The following TBC1D10C variants were observed in gnomAD, a reference collection of about 807,000 sequenced individuals.
TBC1D10C encodes the protein TBC1 domain family member 10C.
TBC1D10C carries 49 observed loss-of-function variants against 51.0 expected under a neutral mutation model. The ratio of observed to expected loss-of-function variants is 0.96; its 90% confidence interval spans 0.76 to 1.22. TBC1D10C has a LOEUF of 1.22. TBC1D10C is among the 50% of genes most tolerant of loss of function. The probability of loss-of-function intolerance (pLI) is 0.00; values close to 1 mark genes in which losing one functional copy is unlikely to be tolerated. For missense variants in TBC1D10C, 541 were observed against 617.5 expected, an observed-to-expected ratio of 0.88 and a Z score of 1.31; for synonymous variants, 281 against 266.7, an observed-to-expected ratio of 1.05 and a Z score of -0.52.
At chr11:67,408,815 C>T (rs377178045) in intron 7 of TBC1D10C, 164 bp from the exon 8 acceptor site, 18 of 865,072 alleles carry the variant, frequency 2.1e-5, no homozygotes, top group Admixed American at 1.5e-4. Flanking sequence ...GCCAGTACAG[C>T]GGCCTGTGTT....
In TBC1D10C at chr11:67,407,032, A is replaced by G. The variant is rs1863202706; in HGVS notation, c.838+16A>G. Reference sequence around the variant, plus strand: ...CTCAGTGAGGGTGAGTGGGGCAGCCAGTGGCTGGGGCAGGAGCCTTGGGGT... The same window carrying G: ...CTCAGTGAGGGTGAGTGGGGCAGCCGGTGGCTGGGGCAGGAGCCTTGGGGT... On this transcript the variant is annotated intron_variant, in intron 7 of 8. Transcript: ENST00000542590. 2.5e-6 allele frequency: 4 copies of G among 1,604,958 alleles called. No individual in the cohort carries two copies. The highest frequency in any genetic ancestry group is 2.2e-5 in the East Asian group (1 of 44,810).
upstream of TBC1D10C, chr11:67,404,073 G>A: frequency 8.5e-7 from 1 of 1,177,686 alleles, no homozygotes; most frequent in Non-Finnish European, 1.1e-6. Context: ...GGAGACATAG[G>A]GGGCTTGGTG....
In TBC1D10C at chr11:67,406,898, C is replaced by T; in HGVS notation, c.720C>T (p.His240=). ...GGCTGCTTCCGCACGTGCACAAGCA[C>T]CTGCAGCAGGTGGGCGTCGGACCCC... is the stretch of plus-strand genomic sequence containing the variant. ...LRRLLPHVHK[H]LQQVGVGPLL... Residue 240 remains histidine (H), a synonymous_variant, in exon 7 of 9, where the codon CAC becomes CAT. Coordinates refer to ENST00000542590, the MANE Select transcript of TBC1D10C (RefSeq NM_001369496.1). 6.2e-7 allele frequency: 1 copy of T among 1,611,862 alleles called. No homozygotes were observed.
At chr11:67,406,230 T>C in intron 5 of TBC1D10C, 1 of 530,880 alleles carries the variant, frequency 1.9e-6, no homozygotes, top group Admixed American at 3.6e-5. Flanking sequence ...TTGACCCCAG[T>C]CATCTAGGAA....
intron 1 of TBC1D10C, 24 bp from the exon 2 acceptor site, chr11:67,405,061 G>T (rs1426392241): frequency 8.4e-6 from 13 of 1,544,418 alleles, no homozygotes; most frequent in Non-Finnish European, 1.0e-5. Context: ...CCAGCGTCTG[G>T]ATACCTGTGC....
At chr11:67,408,829 C>T (rs909760564) in intron 7 of TBC1D10C, 150 bp from the exon 8 acceptor site, 15 of 1,079,888 alleles carry the variant, frequency 1.4e-5, no homozygotes, top group Non-Finnish European at 1.8e-5. Context: ...CTGTGTTACC[C>T]GAAATGCAAC....
intron 7 of TBC1D10C, 192 bp downstream of exon 7, chr11:67,407,208 G>A (rs974711263): frequency 1.6e-5 from 11 of 691,540 alleles, no homozygotes; most frequent in Non-Finnish European, 2.6e-5. Context: ...GCTGGGCCAG[G>A]GAGGCTTCCA....
intron 1 of TBC1D10C, 138 bp from the exon 2 acceptor site, chr11:67,404,947 G>A: frequency 1.4e-6 from 1 of 712,564 alleles, no homozygotes; most frequent in Non-Finnish European, 2.3e-6. Flanking sequence ...GCAGCTCCTG[G>A]GTCACAGGTC....
chr11:67,410,051 AC>A lies in TBC1D10C; in HGVS notation c.*301del, dbSNP rs1312126764. 2 of 360,404 alleles carry A rather than the reference AC, an allele frequency of 5.5e-6. No individual in the cohort carries two copies. Among genetic ancestry groups the A allele is most frequent in the Admixed American group, 4.5e-5 (1 of 22,038 alleles). The allele number at this position is 360,404 out of a possible 1,614,324, so 22.3% of individuals were successfully genotyped here. On this transcript the variant is annotated 3_prime_UTR_variant, in exon 9 of 9. Transcript: ENST00000542590. ...GGGAAGGGGTTGGCTGAGTCAAGGGACCCCAGAGGGCACCAGGAATAAAATC... is the reference window on the plus strand; with the variant it reads ...GGGAAGGGGTTGGCTGAGTCAAGGGACCCAGAGGGCACCAGGAATAAAATC...
chr11:67,408,112 C>T (rs533554900), intron 7 of TBC1D10C: 1 of 152,404 alleles, frequency 6.6e-6, no homozygotes, highest in South Asian at 2.1e-4. Context: ...ATCACTCAAC[C>T]TCGCTGGTCC....
intron 1 of TBC1D10C, 26 bp downstream of exon 1, chr11:67,404,380 G>A (rs370992527): frequency 1.7e-5 from 26 of 1,544,900 alleles, no homozygotes; most frequent in East Asian, 1.4e-4. Context: ...GAGGGCTGGC[G>A]GAATGCTGGG....
rs376880337 is a variant in TBC1D10C at position 67,407,027 on chromosome 11, C to G, written c.838+11C>G. 797 of 1,605,846 alleles carry G rather than the reference C, an allele frequency of 5.0e-4. 1 individual carries two copies. The highest frequency in any genetic ancestry group is 6.4e-4 in the Non-Finnish European group (748 of 1,176,822). ...CCTTCCTCAGTGAGGGTGAGTGGGG[C>G]AGCCAGTGGCTGGGGCAGGAGCCTT... On this transcript the variant is annotated intron_variant, in intron 7 of 8. Transcript: ENST00000542590.
rs1389163921 is a variant in TBC1D10C at position 67,409,443 on chromosome 11, C to A, written c.1030C>A (p.Arg344=). ...GGTGCTGTCAGAGCGGGACCTGCAG[C>A]GGGAGATCAAGGCCCAGCTGGCCCA... ...SVVLSERDLQ[R]EIKAQLAQLP... Residue 344 remains arginine, a synonymous_variant, in exon 9 of 9, where the codon CGG becomes AGG. Transcript: ENST00000542590. 1.3e-6 allele frequency: 2 copies of A among 1,549,222 alleles called. No individual in the cohort carries two copies. The highest frequency in any genetic ancestry group is 1.2e-5 in the South Asian group (1 of 84,014).
rs1863126992 is a variant in TBC1D10C, at chr11:67,405,661, T to C, written c.427T>C (p.Phe143Leu). 1 of 1,613,726 alleles carries C rather than the reference T, an allele frequency of 6.2e-7. No individual in the cohort carries two copies. The highest frequency in any genetic ancestry group is 8.5e-7 in the Non-Finnish European group (1 of 1,180,008). ...CATTGGCAGGGACCTGCACCGTCAA[T>C]TCCCTCTGCACGAGATGTTTGTGTC... ...ETIGRDLHRQ[F>L]PLHEMFVSPQ... The change falls in exon 4 of 9, where the codon TTC becomes CTC. Residue 143 changes from phenylalanine to leucine, a missense_variant. By Grantham distance (22) the Phe-to-Leu change is conservative (BLOSUM62 0). Transcript: ENST00000542590.
At position 67,406,688 on chromosome 11, in the gene TBC1D10C, A is replaced by C. The variant is rs1238511549; in HGVS notation, c.644A>C (p.His215Pro). 6.3e-7 allele frequency: 1 copy of C among 1,577,020 alleles called. No homozygotes were observed. Among genetic ancestry groups the C allele is most frequent in the East Asian group, 2.3e-5 (1 of 42,776 alleles). The change falls in exon 6 of 9, where the codon CAC (histidine) becomes CCC (proline). Residue 215 changes from histidine (H) to proline (P), a missense_variant. Physicochemically the swap from His to Pro is moderately conservative, Grantham distance 77 (BLOSUM62 -2). Transcript: ENST00000542590. ...TACCTCCCTGGGTACTACGGGCCCC[A>C]CATGGTGAGAGGCTGACATGGGGGC... is the stretch of plus-strand genomic sequence containing the variant. ...EVYLPGYYGPHMEAVRLDAEV... is the reference protein window; with the variant it reads ...EVYLPGYYGPPMEAVRLDAEV...
intron 7 of TBC1D10C, chr11:67,408,522 G>C (rs1215268172): frequency 6.4e-6 from 1 of 156,280 alleles, no homozygotes; most frequent in African/African-American, 2.4e-5. Context: ...TGATGGCCCT[G>C]TGCCTGGTGG....
chr11:67,405,427 C>T lies in TBC1D10C; in HGVS notation c.281C>T (p.Pro94Leu), dbSNP rs778849904. 5 of 1,613,506 alleles carry T rather than the reference C, an allele frequency of 3.1e-6. No homozygotes were observed. In the South Asian group the frequency reaches 4.4e-5, roughly 14 times the overall value. ...AAGATGCAGTGCCGGAAAGGCATCC[C>T]GTCTGCCCTGCGCGCCCGATGCTGG... ...KVKMQCRKGI[P>L]SALRARCWPL... The change falls in exon 3 of 9, where the codon CCG (proline) becomes CTG (leucine). Residue 94 changes from proline to leucine, a missense_variant. By Grantham distance (98) the Pro-to-Leu change is moderately conservative. Coordinates refer to ENST00000542590, the MANE Select transcript of TBC1D10C (RefSeq NM_001369496.1).
rs78320186 is a variant in TBC1D10C at position 67,405,951 on chromosome 11, G to A, written c.516G>A (p.Pro172=). 0.015 allele frequency: 24,608 copies of A among 1,605,708 alleles called. 235 individuals carry two copies. Among genetic ancestry groups the A allele is most frequent in the Non-Finnish European group, 0.019 (21,997 of 1,177,016 alleles). The change falls in exon 5 of 9, where the codon CCG becomes CCA. Residue 172 remains proline (P), a synonymous_variant. Coordinates refer to ENST00000542590, the MANE Select transcript of TBC1D10C (RefSeq NM_001369496.1). ...TCAAGGCCTACACCCTGTATCGACC[G>A]GAGCAGGGCTACTGCCAGGCCCAGG... ...QVLKAYTLYR[P]EQGYCQAQGP...
chr11:67,410,026 G>A lies in TBC1D10C; in HGVS notation c.*272G>A. The A allele has an allele frequency of 4.7e-6, 2 of 428,352 alleles. No individual in the cohort carries two copies. Among genetic ancestry groups the A allele is most frequent in the South Asian group, 6.9e-5 (2 of 28,790 alleles). The allele number at this position is 428,352 out of a possible 1,614,324, so 26.5% of individuals were successfully genotyped here. Reference sequence around the variant, plus strand: ...ACCAAAGCCAGCACCAAAGGAGTCAGGGAAGGGGTTGGCTGAGTCAAGGGA... The same window carrying A: ...ACCAAAGCCAGCACCAAAGGAGTCAAGGAAGGGGTTGGCTGAGTCAAGGGA... On this transcript the variant is annotated 3_prime_UTR_variant, in exon 9 of 9. Coordinates refer to ENST00000542590, the MANE Select transcript of TBC1D10C (RefSeq NM_001369496.1).
Sources: gnomAD v4.1 joint callset for allele counts on GRCh38, gnomAD v4.1.1 for gene constraint, MANE v1.5 for transcripts, NCBI Gene and HGNC (gene_info 2026-07-23, HGNC 2026-07-21) for gene names.